Variants in APELA observed in about 807,000 individuals in gnomAD.
APELA encodes the protein apelin receptor early endogenous ligand.
chr4:164,898,537 T>C (rs1244702692), downstream of APELA, among the ~76,000 whole-genome samples: 2 of 151,162 alleles, frequency 1.3e-5, no homozygotes, highest in African/African-American at 4.9e-5. Flanking sequence ...TTGTAATTTC[T>C]AACATTTTCA....
intron 2 of APELA, among the ~76,000 whole-genome samples, chr4:164,882,348 C>T (rs933109019): frequency 6.8e-6 from 1 of 146,048 alleles, no homozygotes; most frequent in Non-Finnish European, 1.5e-5. Context: ...GGTGATCTGC[C>T]CCCCCTCAGA....
chr4:164,879,414 T>TTCTCCTCCTCTCCTCC (rs527308439), intron 2 of APELA, among the ~76,000 whole-genome samples: 1 of 152,066 alleles, frequency 6.6e-6, no homozygotes. Context: ...GTTTCTTTTC[T>TTCTCCTCCTCTCCTCC]TCTCCTCCTC....
chr4:164,892,079 G>C (rs1486274635), intron 2 of APELA, among the ~76,000 whole-genome samples: 1 of 152,060 alleles, frequency 6.6e-6, no homozygotes, highest in Admixed American at 6.6e-5. Context: ...GGGAGGCTGA[G>C]GGGGGCAGAT....
rs142646353 is a variant in APELA at position 164,878,085 on chromosome 4, A to G, written c.76+678A>G. 3.8e-3 allele frequency among the ~76,000 whole-genome samples: 571 copies of G among 151,898 alleles called. 12 individuals are homozygous for G. The highest frequency in any genetic ancestry group is 0.012 in the African/African-American group (513 of 41,424). ...TTAGTACACAAAAGTATTCTAATGT[A>G]CTTTTACTTCAAAACCAAACAGCTA... is the stretch of plus-strand genomic sequence containing the variant. On this transcript the variant is annotated intron_variant, in intron 1 of 2. Transcript: ENST00000507152.
chr4:164,887,616 A>ATTT (rs59819450), intron 2 of APELA, among the ~76,000 whole-genome samples: 18 of 148,114 alleles, frequency 1.2e-4, no homozygotes, highest in African/African-American at 4.5e-4. Flanking sequence ...ATCTTACTAA[A>ATTT]TTTTTTTTTT....
At chr4:164,894,947 G>A (rs1397919148) in intron 2 of APELA, among the ~76,000 whole-genome samples, 2 of 152,212 alleles carry the variant, frequency 1.3e-5, no homozygotes, top group Non-Finnish European at 2.9e-5. Flanking sequence ...ACTGTGAGAT[G>A]TGAAGTGAAA....
chr4:164,888,115 C>T (rs1217183549), intron 2 of APELA, among the ~76,000 whole-genome samples: 1 of 152,284 alleles, frequency 6.6e-6, no homozygotes, highest in African/African-American at 2.4e-5. Flanking sequence ...TCTCTACTCT[C>T]TCCTGCTCTG....
intron 2 of APELA, among the ~76,000 whole-genome samples, chr4:164,888,053 C>A (rs189556929): frequency 6.6e-6 from 1 of 152,228 alleles, no homozygotes; most frequent in African/African-American, 2.4e-5. Context: ...TCTCAGCCAA[C>A]CCTCTGCCTC....
intron 2 of APELA, among the ~76,000 whole-genome samples, chr4:164,881,865 T>C (rs1193300821): frequency 2.5e-5 from 3 of 118,336 alleles, no homozygotes; most frequent in African/African-American, 1.0e-4. Context: ...TTTAACCTTG[T>C]CTCTACCAAA....
chr4:164,882,944 G>A (rs927972248), intron 2 of APELA, among the ~76,000 whole-genome samples: 1 of 152,034 alleles, frequency 6.6e-6, no homozygotes, highest in African/African-American at 2.4e-5. Flanking sequence ...ATGGCTGCAT[G>A]GTATTCCATG....
At chr4:164,895,113 C>T (rs928412599) in intron 2 of APELA, among the ~76,000 whole-genome samples, 13 of 152,172 alleles carry the variant, frequency 8.5e-5, no homozygotes, top group African/African-American at 2.9e-4. Context: ...GCATGAGAAT[C>T]ACTTGAACTC....
Position 164,889,116 on chromosome 4 carries a change from G to A in APELA, c.*2-6300G>A, listed in dbSNP as rs1730833216. Reference sequence around the variant, plus strand: ...CCTCCCGGGTTCAAGCGATTCTCCTGCCTCAGCCCCCCAATAACTTCTTTT... The same window carrying A: ...CCTCCCGGGTTCAAGCGATTCTCCTACCTCAGCCCCCCAATAACTTCTTTT... On this transcript the variant is annotated intron_variant, in intron 2 of 2. Coordinates refer to ENST00000507152, the MANE Select transcript of APELA (RefSeq NM_001297550.2). Among the ~76,000 whole-genome samples the A allele has an allele frequency of 2.7e-5, 4 of 150,828 alleles. No homozygotes were observed. The South Asian group carries it at 8.5e-4, about 32-fold the overall frequency.
Position 164,879,027 on chromosome 4 carries a change from T to C in APELA, c.*1+18T>C. 2.5e-6 allele frequency: 1 copy of C among 398,966 alleles called. No individual in the cohort carries two copies. 24.7% of individuals were successfully genotyped at this position (398,966 alleles called of 1,614,324 possible). On this transcript the variant is annotated intron_variant, in intron 2 of 2. Coordinates refer to ENST00000507152, the MANE Select transcript of APELA (RefSeq NM_001297550.2). ...TCCCTGAGGTATTTCTGACAGAAAA[T>C]AGATTCGCTACATTTAGGCAGTGTT...
chr4:164,898,690 G>C (rs1041899499), downstream of APELA: 8 of 152,088 alleles, frequency 5.3e-5, no homozygotes, highest in Admixed American at 5.2e-4. Context: ...AATTGTAAAG[G>C]CTGATCCCTT....
At chr4:164,889,287 C>T (rs572634902) in intron 2 of APELA, among the ~76,000 whole-genome samples, 1 of 152,102 alleles carries the variant, frequency 6.6e-6, no homozygotes, top group South Asian at 2.1e-4. Context: ...TATACTTAGT[C>T]TTCACATTTT....
intron 1 of APELA, 144 bp downstream of exon 1, chr4:164,877,551 G>A (rs1730577513): frequency 5.1e-6 from 2 of 396,018 alleles, no homozygotes; most frequent in South Asian, 2.8e-4. Flanking sequence ...GATTTTGAAA[G>A]TATGCTATCT....
chr4:164,886,781 T>C (rs1730780228), intron 2 of APELA, among the ~76,000 whole-genome samples: 1 of 152,184 alleles, frequency 6.6e-6, no homozygotes, highest in South Asian at 2.1e-4. Context: ...GAACAAAGTA[T>C]GTATACAATG....
Position 164,895,991 on chromosome 4 carries a change from T to C in APELA, c.*577T>C, listed in dbSNP as rs571607472. On this transcript the variant is annotated 3_prime_UTR_variant, in exon 3 of 3. Transcript: ENST00000507152. ...ACCAATTTTATGATAAGCTTTAAGG[T>C]TTATGAAAGTATGTTTTTTTATTTA... 2.6e-5 allele frequency: 4 copies of C among 152,330 alleles called. No individual in the cohort carries two copies. Among genetic ancestry groups the C allele is most frequent in the African/African-American group, 9.6e-5 (4 of 41,580 alleles). The allele number at this position is 152,330 out of a possible 1,614,324, so 9.4% of individuals were successfully genotyped here.
chr4:164,892,563 A>G (rs971453599), intron 2 of APELA, among the ~76,000 whole-genome samples: 3 of 152,192 alleles, frequency 2.0e-5, no homozygotes, highest in African/African-American at 7.2e-5. Flanking sequence ...AGCTACATTC[A>G]TAAGAAATAT....
Sources: allele counts gnomAD v4.1 joint callset (sites outside exome capture counted in the v4.1 genomes callset), GRCh38; gene constraint gnomAD v4.1.1; transcripts MANE v1.5; gene names NCBI Gene and HGNC (gene_info 2026-07-23, HGNC 2026-07-21).